C9orf85: variants seen among roughly 807,000 people sequenced by gnomAD.
C9orf85 encodes the protein chromosome 9 open reading frame 85, also known as uncharacterized protein C9orf85.
In C9orf85, 16 loss-of-function variants were observed where a neutral mutation model predicts 14.9. The ratio of observed to expected loss-of-function variants is 1.08; its 90% CI spans 0.73 to 1.63. The LOEUF (loss-of-function observed/expected upper bound fraction) is 1.63. C9orf85 is among the 40% of genes most tolerant of loss of function. The probability of loss-of-function intolerance (pLI) is 0.00; values close to 1 mark genes in which losing one functional copy is unlikely to be tolerated. For synonymous variants in C9orf85, 45 were observed against 56.8 expected, an observed-to-expected ratio of 0.79 and a Z score of 0.93; for missense variants, 172 against 186.1, an observed-to-expected ratio of 0.92 and a Z score of 0.44.
At chr9:71,975,223 C>G (rs965466368), downstream of C9orf85, among the ~76,000 whole-genome samples, 1 of 151,950 alleles carries the variant, frequency 6.6e-6, no homozygotes, top group Non-Finnish European at 1.5e-5. Context: ...CCAAGGCAGG[C>G]AGATCACCTG....
intron 1 of C9orf85, among the ~76,000 whole-genome samples, chr9:71,946,444 T>C (rs188477791): frequency 6.6e-6 from 1 of 152,340 alleles, no homozygotes; most frequent in African/African-American, 2.4e-5. Flanking sequence ...ATCTTAACTG[T>C]GCAGTTTTGA....
chr9:71,925,249 G>C (rs554614732), intron 1 of C9orf85, among the ~76,000 whole-genome samples: 2 of 152,268 alleles, frequency 1.3e-5, no homozygotes, highest in South Asian at 4.1e-4. Context: ...GGCTGGGCAC[G>C]GTGGCTCAGG....
downstream of C9orf85, among the ~76,000 whole-genome samples, chr9:71,977,917 A>T (rs1396959878): frequency 6.6e-6 from 1 of 152,186 alleles, no homozygotes; most frequent in Non-Finnish European, 1.5e-5. Context: ...TACTGAAAAA[A>T]ATCATACCTT....
downstream of C9orf85, among the ~76,000 whole-genome samples, chr9:71,973,865 T>TTC (rs1822953865): frequency 6.6e-6 from 1 of 150,576 alleles, no homozygotes; most frequent in African/African-American, 2.4e-5. Flanking sequence ...TTGTTGTTTT[T>TTC]TTTTTTTAAC....
intron 3 of C9orf85, among the ~76,000 whole-genome samples, chr9:71,979,280 G>A (rs966324027): frequency 3.3e-5 from 5 of 152,166 alleles, no homozygotes; most frequent in African/African-American, 1.2e-4. Flanking sequence ...TATGTTATGT[G>A]TGCCTTTCTT....
intron 2 of C9orf85, among the ~76,000 whole-genome samples, chr9:71,970,822 A>G (rs961921694): frequency 6.0e-5 from 7 of 115,816 alleles, no homozygotes; most frequent in African/African-American, 2.2e-4. Flanking sequence ...TATTCTCAAT[A>G]TTAAGTCTTT....
intron 2 of C9orf85, among the ~76,000 whole-genome samples, chr9:71,961,332 C>T (rs897569364): frequency 3.3e-5 from 5 of 151,932 alleles, no homozygotes; most frequent in South Asian, 2.1e-4. Flanking sequence ...GAGGCCAAGG[C>T]GGGTGGATCA....
intron 1 of C9orf85, among the ~76,000 whole-genome samples, chr9:71,938,598 T>G (rs1167092746): frequency 6.6e-6 from 1 of 151,910 alleles, no homozygotes; most frequent in East Asian, 1.9e-4. Context: ...ATGTAAACTC[T>G]TTTTAGAGAA....
At chr9:71,936,417 G>A (rs1438436451) in intron 1 of C9orf85, among the ~76,000 whole-genome samples, 1 of 151,522 alleles carries the variant, frequency 6.6e-6, no homozygotes, top group South Asian at 2.1e-4. Flanking sequence ...TCTTGAGAAG[G>A]AACAAATGGG....
At chr9:71,936,712 C>G (rs1828199943) in intron 1 of C9orf85, among the ~76,000 whole-genome samples, 1 of 151,234 alleles carries the variant, frequency 6.6e-6, no homozygotes, top group Admixed American at 6.6e-5. Flanking sequence ...CATAACACGC[C>G]TTGCTGAATT....
At chr9:71,935,072 T>G (rs1828158430) in intron 1 of C9orf85, among the ~76,000 whole-genome samples, 1 of 152,140 alleles carries the variant, frequency 6.6e-6, no homozygotes, top group Non-Finnish European at 1.5e-5. Flanking sequence ...CACCTCATAC[T>G]CATTCGGATG....
At chr9:71,948,814 C>T (rs1302680224) in intron 2 of C9orf85, among the ~76,000 whole-genome samples, 1 of 914 alleles carries the variant, frequency 1.1e-3, no homozygotes, top group African/African-American at 1.5e-3. Context: ...GTGAGCCACG[C>T]CCCCCCCCCC....
At chr9:71,976,642 A>G (rs1006157480), downstream of C9orf85, among the ~76,000 whole-genome samples, 1 of 151,288 alleles carries the variant, frequency 6.6e-6, no homozygotes, top group African/African-American at 2.4e-5. Flanking sequence ...AGCCTGGGAC[A>G]CAGAGCGAGA....
At chr9:71,966,406 A>G (rs1324989197) in intron 2 of C9orf85, among the ~76,000 whole-genome samples, 1 of 152,184 alleles carries the variant, frequency 6.6e-6, no homozygotes, top group African/African-American at 2.4e-5. Context: ...TTAGCAATGG[A>G]CTCATAAAAT....
chr9:71,978,036 C>T (rs1294228248), downstream of C9orf85, among the ~76,000 whole-genome samples: 1 of 152,186 alleles, frequency 6.6e-6, no homozygotes, highest in Non-Finnish European at 1.5e-5. Flanking sequence ...TAACCTCTAG[C>T]AATGTTAATT....
intron 3 of C9orf85, among the ~76,000 whole-genome samples, chr9:71,979,996 A>G (rs1162345270): frequency 1.4e-5 from 2 of 146,190 alleles, no homozygotes; most frequent in Non-Finnish European, 3.0e-5. Context: ...ATTTATTGTG[A>G]CAAATTCTTT....
chr9:71,978,862 C>T (rs1245343021), intron 3 of C9orf85, among the ~76,000 whole-genome samples: 1 of 152,060 alleles, frequency 6.6e-6, no homozygotes, highest in Non-Finnish European at 1.5e-5. Context: ...GGTGAAACCC[C>T]GTCTCTACTA....
At chr9:71,980,885 A>G (rs1011790816) in intron 3 of C9orf85, among the ~76,000 whole-genome samples, 1 of 152,236 alleles carries the variant, frequency 6.6e-6, no homozygotes, top group Non-Finnish European at 1.5e-5. Context: ...ACTTACTGAA[A>G]CAAACAAGTG....
At chr9:71,933,734 C>G (rs1360097262) in intron 1 of C9orf85, among the ~76,000 whole-genome samples, 2 of 152,180 alleles carry the variant, frequency 1.3e-5, no homozygotes, top group Non-Finnish European at 2.9e-5. Flanking sequence ...TGGACTCCCA[C>G]TAGATGGATC....
Sources: allele counts gnomAD v4.1 joint callset (sites outside exome capture counted in the v4.1 genomes callset), GRCh38; gene constraint gnomAD v4.1.1; transcripts MANE v1.5; gene names NCBI Gene and HGNC (gene_info 2026-07-23, HGNC 2026-07-21).